The following SRGAP1 variants were observed in gnomAD, a reference collection of about 807,000 sequenced individuals.
SRGAP1 encodes the protein SLIT-ROBO Rho GTPase activating protein 1.
In SRGAP1, 43 loss-of-function variants were observed where a neutral mutation model predicts 121.9. The ratio of observed to expected loss-of-function variants is 0.35; its 90% CI spans 0.28 to 0.46. The LOEUF (loss-of-function observed/expected upper bound fraction) is 0.46. Ranked by LOEUF, SRGAP1 falls within the 20% of genes least tolerant of loss-of-function variation. SRGAP1 has a pLI of 1.00. For missense variants in SRGAP1, 1,102 were observed against 1,350.9 expected (o/e 0.82, Z 2.89); for synonymous variants, 447 against 485.4 (o/e 0.92, Z 1.04).
intron 6 of SRGAP1, among the ~76,000 whole-genome samples, chr12:64,056,883 A>G (rs561561073): frequency 3.5e-4 from 53 of 152,224 alleles, no homozygotes; most frequent in African/African-American, 1.3e-3. Flanking sequence ...GCTGCCCTAT[A>G]TAAAAGGACA....
In SRGAP1 at chr12:64,063,070, A is replaced by G; in HGVS notation, c.955A>G (p.Met319Val). Reference protein sequence around the residue: ...LEPRSDKQRFMEMYPAAFCPP... With the variant: ...LEPRSDKQRFVEMYPAAFCPP... ...GCCCAGGAGCGATAAGCAGAGATTC[A>G]TGGAGATGTACCCTGCTGCGTTCTG... Residue 319 changes from methionine to valine, a missense_variant, in exon 7 of 22, where the codon ATG becomes GTG. Met to Val is a conservative substitution (Grantham distance 21). Coordinates refer to ENST00000355086, the MANE Select transcript of SRGAP1 (RefSeq NM_020762.4). The G allele has an allele frequency of 1.2e-6, 2 of 1,614,138 alleles. No homozygotes were observed. Among genetic ancestry groups the G allele is most frequent in the Non-Finnish European group, 1.7e-6 (2 of 1,180,002 alleles).
At chr12:64,071,226 A>G (rs1360049587) in intron 8 of SRGAP1, among the ~76,000 whole-genome samples, 1 of 152,218 alleles carries the variant, frequency 6.6e-6, no homozygotes, top group Admixed American at 6.5e-5. Flanking sequence ...GATCCAAAAG[A>G]ATACCAAGAG....
intron 8 of SRGAP1, among the ~76,000 whole-genome samples, chr12:64,065,932 T>C (rs929067347): frequency 1.3e-5 from 2 of 152,222 alleles, no homozygotes; most frequent in Admixed American, 6.5e-5. Flanking sequence ...GATTTATCAA[T>C]ATATGTTGAG....
intron 1 of SRGAP1, among the ~76,000 whole-genome samples, chr12:63,916,490 A>T (rs1367191150): frequency 6.6e-6 from 1 of 152,238 alleles, no homozygotes; most frequent in Non-Finnish European, 1.5e-5. Context: ...CAGCTCAGCC[A>T]GCTCTATACC....
At chr12:63,975,900 A>C (rs1592997435) in intron 1 of SRGAP1, among the ~76,000 whole-genome samples, 1 of 152,230 alleles carries the variant, frequency 6.6e-6, no homozygotes, top group African/African-American at 2.4e-5. Context: ...TGTTTTTATT[A>C]ATTTGTTTTG....
At chr12:63,953,130 C>T (rs1271384387) in intron 1 of SRGAP1, among the ~76,000 whole-genome samples, 1 of 152,158 alleles carries the variant, frequency 6.6e-6, no homozygotes, top group Admixed American at 6.5e-5. Flanking sequence ...GACTCCAGAG[C>T]TTGTACCGTT....
At chr12:63,846,561 T>C (rs1419511666) in intron 1 of SRGAP1, among the ~76,000 whole-genome samples, 1 of 152,248 alleles carries the variant, frequency 6.6e-6, no homozygotes, top group Non-Finnish European at 1.5e-5. Flanking sequence ...GCAATGTGTC[T>C]ATCAAATTCA....
intron 1 of SRGAP1, among the ~76,000 whole-genome samples, chr12:63,953,771 T>C (rs145021329): frequency 4.6e-4 from 70 of 152,184 alleles, no homozygotes; most frequent in South Asian, 1.2e-3. Context: ...CCTTCCAGAC[T>C]TTCATCCTTG....
rs544207099 is a variant in SRGAP1, at chr12:63,883,420, T to A, written c.67+38537T>A. Among the ~76,000 whole-genome samples, 30 of 152,310 alleles carry A rather than the reference T, an allele frequency of 2.0e-4. 1 individual carries two copies. In the South Asian group the frequency reaches 6.0e-3, roughly 30 times the overall value. ...CTTTTTGTTCGTTTGAGGAATCCCA[T>A]ATGGTAGATTGACACATCTCATAGC... is the stretch of plus-strand genomic sequence containing the variant. On this transcript the variant is annotated intron_variant, in intron 1 of 21. Coordinates refer to ENST00000355086, the MANE Select transcript of SRGAP1 (RefSeq NM_020762.4).
At chr12:63,975,221 G>C (rs1376224375) in intron 1 of SRGAP1, among the ~76,000 whole-genome samples, 1 of 152,160 alleles carries the variant, frequency 6.6e-6, no homozygotes, top group African/African-American at 2.4e-5. Context: ...CCCTTCTCCA[G>C]TGTTACACCT....
chr12:64,067,206 C>T (rs529138560), intron 8 of SRGAP1, among the ~76,000 whole-genome samples: 1 of 152,210 alleles, frequency 6.6e-6, no homozygotes. Context: ...TAATGTATGC[C>T]TTTTTAGGCA....
intron 18 of SRGAP1, among the ~76,000 whole-genome samples, chr12:64,116,379 G>T (rs931086039): frequency 2.0e-5 from 3 of 151,502 alleles, no homozygotes; most frequent in Admixed American, 1.3e-4. Flanking sequence ...AAGACTTATT[G>T]TTTCCTTTGC....
intron 2 of SRGAP1, among the ~76,000 whole-genome samples, chr12:63,985,015 C>CAA (rs34037288): frequency 0.021 from 2,283 of 108,780 alleles, 68 homozygotes; most frequent in African/African-American, 0.072. Context: ...GAGTCCATCT[C>CAA]AAAAAAAAAA....
At chr12:64,127,524 A>G in intron 19 of SRGAP1, 66 bp from the exon 20 acceptor site, 1 of 1,505,496 alleles carries the variant, frequency 6.6e-7, no homozygotes, top group Non-Finnish European at 9.0e-7. Context: ...ATCTCCACTC[A>G]TCTAGCAAAT....
At position 63,989,529 on chromosome 12, in the gene SRGAP1, A is replaced by G. The variant is rs2033500011; in HGVS notation, c.264-381A>G. On this transcript the variant is annotated intron_variant, in intron 2 of 21. Coordinates refer to ENST00000355086, the MANE Select transcript of SRGAP1 (RefSeq NM_020762.4). ...AGACTTTGTATGCCGTGGCAAAACC[A>G]CAGTCTGTCTGGACAGTAGTAGTCA... Among the ~76,000 whole-genome samples the G allele has an allele frequency of 3.0e-5, 3 of 101,438 alleles. No homozygotes were observed. In the South Asian group the frequency reaches 1.3e-3, roughly 44 times the overall value. The allele number at this position is 101,438 out of a possible 152,430, so 66.5% of individuals were successfully genotyped here. A position where few individuals can be genotyped will look rare whatever the true frequency, so the allele number is the denominator to read the frequency against.
intron 15 of SRGAP1, 149 bp downstream of exon 15, chr12:64,097,524 C>A: frequency 1.2e-6 from 1 of 842,444 alleles, no homozygotes; most frequent in Non-Finnish European, 1.7e-6. Context: ...TTTCTGGATC[C>A]AGTGCGAGTC....
At chr12:63,966,497 C>A (rs1028998400) in intron 1 of SRGAP1, among the ~76,000 whole-genome samples, 3 of 152,132 alleles carry the variant, frequency 2.0e-5, no homozygotes, top group African/African-American at 7.2e-5. Flanking sequence ...ATAAAACTTT[C>A]CACAGAATTT....
intron 1 of SRGAP1, among the ~76,000 whole-genome samples, chr12:63,939,042 C>A (rs181752955): frequency 1.3e-4 from 20 of 150,874 alleles, no homozygotes; most frequent in Admixed American, 1.1e-3. Flanking sequence ...GTAGTCCCAG[C>A]TACTCAGCAG....
At chr12:63,948,448 T>C (rs1365263935) in intron 1 of SRGAP1, among the ~76,000 whole-genome samples, 1 of 152,176 alleles carries the variant, frequency 6.6e-6, no homozygotes, top group Non-Finnish European at 1.5e-5. Context: ...TCTCCCACAG[T>C]CCAGTGTCAG....
Sources: allele counts gnomAD v4.1 joint callset (sites outside exome capture counted in the v4.1 genomes callset), GRCh38; gene constraint gnomAD v4.1.1; transcripts MANE v1.5; gene names NCBI Gene and HGNC (gene_info 2026-07-23, HGNC 2026-07-21).